The following STN1 variants were observed in gnomAD, a reference collection of about 807,000 sequenced individuals.
STN1 encodes the protein STN1 subunit of CST complex.
Under a neutral mutation model 45.5 loss-of-function variants are expected in STN1, and 29 were observed. The ratio of observed to expected loss-of-function variants is 0.64; its 90% CI spans 0.47 to 0.87. STN1 has a LOEUF of 0.87. STN1 is among the 40% of genes least tolerant of loss of function. The pLI is 0.00. For missense variants in STN1, 376 were observed against 441.4 expected, an observed-to-expected ratio of 0.85 and a Z score of 1.33; for synonymous variants, 148 against 159.0, an observed-to-expected ratio of 0.93 and a Z score of 0.52.
chr10:103,896,153 T>C (rs1439195090), intron 7 of STN1, among the ~76,000 whole-genome samples: 1 of 152,228 alleles, frequency 6.6e-6, no homozygotes, highest in Non-Finnish European at 1.5e-5. Context: ...TGGGACAATT[T>C]GAATTTTTAA....
At chr10:103,909,085 G>A (rs2995264) in intron 3 of STN1, among the ~76,000 whole-genome samples, 134,313 of 151,780 alleles carry the variant, frequency 0.88, 59,682 homozygotes, top group East Asian at 1. Context: ...TGTACTTTCT[G>A]TTTCAAAAGA....
At chr10:103,902,386 A>G (rs1843215326) in intron 4 of STN1, among the ~76,000 whole-genome samples, 1 of 152,226 alleles carries the variant, frequency 6.6e-6, no homozygotes, top group Non-Finnish European at 1.5e-5. Context: ...TAAATGCTTC[A>G]CATAGCACCA....
At chr10:103,884,289 A>T (rs1026965260) in intron 9 of STN1, among the ~76,000 whole-genome samples, 1 of 151,962 alleles carries the variant, frequency 6.6e-6, no homozygotes, top group South Asian at 2.1e-4. Context: ...TGTGCCTATT[A>T]GGGGATAACG....
chr10:103,909,510 G>GTA (rs1564635184), intron 3 of STN1, among the ~76,000 whole-genome samples: 687 of 39,818 alleles, frequency 0.017, 118 homozygotes, highest in South Asian at 0.085. Flanking sequence ...ATGTATATAT[G>GTA]TATATATGTA....
At chr10:103,898,616 C>T (rs1843186899) in intron 6 of STN1, among the ~76,000 whole-genome samples, 1 of 152,172 alleles carries the variant, frequency 6.6e-6, no homozygotes, top group Non-Finnish European at 1.5e-5. Flanking sequence ...TTTCTCTGCT[C>T]CTGCCTCCAC....
rs1843122294 is a variant in STN1 at position 103,889,138 on chromosome 10, T to C, written c.883A>G (p.Arg295Gly). The C allele has an allele frequency of 6.2e-7, 1 of 1,611,750 alleles. No individual in the cohort carries two copies. The highest frequency in any genetic ancestry group is 8.5e-7 in the Non-Finnish European group (1 of 1,177,802). The change falls in exon 9 of 10, where the codon AGA becomes GGA. Residue 295 changes from arginine to glycine, a missense_variant. Coordinates refer to ENST00000224950, the MANE Select transcript of STN1 (RefSeq NM_024928.5). ...TTTCTGTGCAGGTCTTTGTCTTCTC[T>C]GGTTACCTAAATAGGAAAAATAGTT... The part of the protein sequence containing the change: ...DGFDNLYYVT[R>G]EDKDLHRKIH...
At position 103,917,343 on chromosome 10, in the gene STN1, C is replaced by T. The variant is rs544799463; in HGVS notation, c.133+119G>A. On this transcript the variant is annotated intron_variant, in intron 2 of 9. Coordinates refer to ENST00000224950, the MANE Select transcript of STN1 (RefSeq NM_024928.5). ...ACTCATGCGAAGGTCCAGGCTAGGT[C>T]CCTTTCAAAGCCTGCAGCAGGGAAG... The T allele has an allele frequency of 2.9e-4, 234 of 820,796 alleles. No individual in the cohort carries two copies. In the African/African-American group the frequency reaches 3.9e-3, roughly 14 times the overall value. 50.8% of individuals were successfully genotyped at this position (820,796 alleles called of 1,614,324 possible).
Position 103,900,012 on chromosome 10 carries a change from G to A in STN1, c.457+50C>T, listed in dbSNP as rs770224295. On this transcript the variant is annotated intron_variant, in intron 5 of 9. Transcript: ENST00000224950. ...TTCCAGCTGAACAAGAGGTTTACTG[G>A]ACGCACATCCAGAAAAACCACCAAT... 3.2e-6 allele frequency: 5 copies of A among 1,581,786 alleles called. No homozygotes were observed. In the South Asian group the frequency reaches 4.5e-5, roughly 14 times the overall value.
chr10:103,881,838 C>G lies in STN1; in HGVS notation c.*846G>C, dbSNP rs1843070930. ...TCTGAGCAAAAGCATGACTCCATCA[C>G]CTGTCTGGGCACATACCGAGTCTTT... On this transcript the variant is annotated 3_prime_UTR_variant, in exon 10 of 10. Transcript: ENST00000224950. 6.6e-6 allele frequency among the ~76,000 whole-genome samples: 1 copy of G among 152,204 alleles called. No individual in the cohort carries two copies.
intron 5 of STN1, 107 bp from the exon 6 acceptor site, chr10:103,899,107 G>T (rs751130863): frequency 1.5e-5 from 18 of 1,225,732 alleles, no homozygotes; most frequent in Non-Finnish European, 2.1e-5. Flanking sequence ...TGAGGTGCTG[G>T]GTGGGCCTCC....
intron 6 of STN1, 31 bp downstream of exon 6, chr10:103,898,846 A>G (rs1328242808): frequency 1.9e-6 from 3 of 1,612,200 alleles, no homozygotes; most frequent in Non-Finnish European, 2.5e-6. Flanking sequence ...TGCCGTGGTC[A>G]CGTGCTCAGC....
chr10:103,896,383 G>T (rs1394075183), intron 7 of STN1, among the ~76,000 whole-genome samples: 1 of 152,122 alleles, frequency 6.6e-6, no homozygotes, highest in Non-Finnish European at 1.5e-5. Context: ...GGCAATCAGA[G>T]CAGCTAGACG....
rs1843069468 is a variant in STN1 at position 103,881,604 on chromosome 10, C to T, written c.*1080G>A. On this transcript the variant is annotated 3_prime_UTR_variant, in exon 10 of 10. Transcript: ENST00000224950. ...CCTGTTTCCACGGAGAGAGGAGCAA[C>T]TCTCCAGGCCTAAAGGATCTCCAGC... 2.0e-5 allele frequency among the ~76,000 whole-genome samples: 3 copies of T among 152,180 alleles called. No individual in the cohort carries two copies. Among genetic ancestry groups the T allele is most frequent in the Admixed American group, 2.0e-4 (3 of 15,284 alleles).
chr10:103,916,508 T>C (rs1307701124), intron 2 of STN1, among the ~76,000 whole-genome samples: 1 of 152,208 alleles, frequency 6.6e-6, no homozygotes, highest in African/African-American at 2.4e-5. Flanking sequence ...AATATATTTG[T>C]ACATTTAACT....
At chr10:103,911,362 GC>G (rs1843289830) in intron 2 of STN1, among the ~76,000 whole-genome samples, 1 of 151,918 alleles carries the variant, frequency 6.6e-6, no homozygotes, top group Admixed American at 6.6e-5. Context: ...CTTCCCTTCT[GC>G]CTGTCCCCCA....
At chr10:103,912,697 G>A (rs1276827969) in intron 2 of STN1, among the ~76,000 whole-genome samples, 1 of 152,250 alleles carries the variant, frequency 6.6e-6, no homozygotes, top group East Asian at 1.9e-4. Context: ...GGTGGCCTGA[G>A]CTCCAGGCAG....
At chr10:103,903,516 T>G (rs1843222526) in intron 4 of STN1, among the ~76,000 whole-genome samples, 1 of 152,198 alleles carries the variant, frequency 6.6e-6, no homozygotes, top group African/African-American at 2.4e-5. Context: ...TCCACTCTCA[T>G]GAATGAATTA....
intron 7 of STN1, among the ~76,000 whole-genome samples, chr10:103,895,423 G>T (rs1843164737): frequency 6.6e-6 from 1 of 152,174 alleles, no homozygotes; most frequent in Non-Finnish European, 1.5e-5. Context: ...ATCCAAACAT[G>T]CTGATAGAAT....
intron 9 of STN1, among the ~76,000 whole-genome samples, chr10:103,886,897 T>C (rs903289517): frequency 2.6e-5 from 4 of 152,220 alleles, no homozygotes; most frequent in African/African-American, 9.6e-5. Flanking sequence ...GCAAGGTGGC[T>C]CCAGAGCACA....
Sources: allele counts gnomAD v4.1 joint callset (sites outside exome capture counted in the v4.1 genomes callset), GRCh38; gene constraint gnomAD v4.1.1; transcripts MANE v1.5; gene names NCBI Gene and HGNC (gene_info 2026-07-23, HGNC 2026-07-21).